Variants in PCDH9 observed in about 807,000 individuals in gnomAD.
PCDH9 encodes protocadherin-9.
PCDH9 carries 24 observed loss-of-function variants against 70.6 expected under a neutral mutation model. That is an observed-to-expected ratio of 0.34 (90% confidence interval 0.25 to 0.48). The LOEUF (loss-of-function observed/expected upper bound fraction) is 0.48. PCDH9 is among the 20% of genes least tolerant of loss of function. PCDH9 has a pLI of 0.99. For synonymous variants in PCDH9, 562 were observed against 558.5 expected, an observed-to-expected ratio of 1.01 and a Z score of -0.09; for missense variants, 1,281 against 1,503.6, an observed-to-expected ratio of 0.85 and a Z score of 2.45.
chr13:66,834,515 A>G (rs1470143159), intron 3 of PCDH9, among the ~76,000 whole-genome samples: 13 of 152,208 alleles, frequency 8.5e-5, no homozygotes, highest in Admixed American at 8.5e-4. Context: ...TACTATTTAT[A>G]GATATCTTAA....
At chr13:66,865,762 T>G (rs185314957) in intron 3 of PCDH9, among the ~76,000 whole-genome samples, 196 of 152,348 alleles carry the variant, frequency 1.3e-3, no homozygotes, top group African/African-American at 4.5e-3. Flanking sequence ...ATTTTATACT[T>G]CTTTCAAGTT....
chr13:66,331,031 A>G (rs1955933054), intron 4 of PCDH9, among the ~76,000 whole-genome samples: 1 of 152,188 alleles, frequency 6.6e-6, no homozygotes, highest in Non-Finnish European at 1.5e-5. Context: ...AGTTCGAAGG[A>G]TCCTGATTAG....
At chr13:66,398,179 T>C (rs528677562) in intron 4 of PCDH9, among the ~76,000 whole-genome samples, 3 of 152,104 alleles carry the variant, frequency 2.0e-5, no homozygotes, top group Non-Finnish European at 4.4e-5. Flanking sequence ...AAACAAAACA[T>C]GGAGTGAGAA....
At chr13:66,729,933 G>A (rs1193709242) in intron 3 of PCDH9, among the ~76,000 whole-genome samples, 1 of 152,130 alleles carries the variant, frequency 6.6e-6, no homozygotes, top group Admixed American at 6.6e-5. Flanking sequence ...CAGAAAACCT[G>A]ACATCTTTTT....
intron 4 of PCDH9, among the ~76,000 whole-genome samples, chr13:66,426,412 T>C (rs1006502494): frequency 6.7e-5 from 10 of 150,362 alleles, no homozygotes; most frequent in African/African-American, 1.7e-4. Context: ...TTAAATATCC[T>C]TTAGTTTATT....
chr13:66,341,851 G>A (rs1053164452), intron 4 of PCDH9, among the ~76,000 whole-genome samples: 12 of 152,112 alleles, frequency 7.9e-5, no homozygotes, highest in African/African-American at 2.9e-4. Context: ...GTCTCACTGC[G>A]CTCAAGGGAG....
At chr13:66,561,073 G>A (rs1379299781) in intron 4 of PCDH9, among the ~76,000 whole-genome samples, 3 of 152,240 alleles carry the variant, frequency 2.0e-5, no homozygotes, top group East Asian at 1.9e-4. Context: ...AGGGAGAAGC[G>A]CGGGCGGGAA....
chr13:66,482,692 T>A (rs1365070127), intron 4 of PCDH9, among the ~76,000 whole-genome samples: 4 of 152,212 alleles, frequency 2.6e-5, no homozygotes, highest in African/African-American at 9.6e-5. Flanking sequence ...TCCATCAGCA[T>A]CAGCAGTGTT....
chr13:66,742,921 T>G (rs2079291011), intron 3 of PCDH9, among the ~76,000 whole-genome samples: 1 of 120,828 alleles, frequency 8.3e-6, no homozygotes, highest in Admixed American at 9.0e-5. Flanking sequence ...TCAACCATTG[T>G]GGAAGTCAGT....
At chr13:66,408,362 C>T (rs1019205474) in intron 4 of PCDH9, among the ~76,000 whole-genome samples, 1 of 152,198 alleles carries the variant, frequency 6.6e-6, no homozygotes, top group African/African-American at 2.4e-5. Flanking sequence ...TCTCCATTCC[C>T]AATTTCCTTA....
chr13:67,150,205 T>A (rs2087623997), intron 2 of PCDH9, among the ~76,000 whole-genome samples: 1 of 152,122 alleles, frequency 6.6e-6, no homozygotes, highest in African/African-American at 2.4e-5. Flanking sequence ...AGCTAATTTT[T>A]AAAATATTTT....
At chr13:67,194,516 A>T (rs1286736489) in intron 2 of PCDH9, among the ~76,000 whole-genome samples, 1 of 152,194 alleles carries the variant, frequency 6.6e-6, no homozygotes, top group Non-Finnish European at 1.5e-5. Context: ...CTCAAAATTT[A>T]TAATTGAAGA....
At chr13:66,740,420 A>T (rs1396962043) in intron 3 of PCDH9, among the ~76,000 whole-genome samples, 3 of 107,758 alleles carry the variant, frequency 2.8e-5, no homozygotes, top group African/African-American at 6.7e-5. Flanking sequence ...CTAACATCAC[A>T]ATTAAAAGAA....
intron 3 of PCDH9, among the ~76,000 whole-genome samples, chr13:66,729,476 C>A (rs2079045117): frequency 6.6e-6 from 1 of 152,070 alleles, no homozygotes; most frequent in Admixed American, 6.6e-5. Flanking sequence ...TTGTTTTACT[C>A]CCCTATTTAA....
chr13:66,884,159 A>G (rs1036557577), intron 3 of PCDH9, among the ~76,000 whole-genome samples: 1 of 151,930 alleles, frequency 6.6e-6, no homozygotes, highest in Admixed American at 6.6e-5. Flanking sequence ...CTGTCTCCCA[A>G]AGTGCTGGGA....
intron 4 of PCDH9, among the ~76,000 whole-genome samples, chr13:66,567,896 C>G (rs1391502588): frequency 1.1e-4 from 16 of 152,132 alleles, no homozygotes; most frequent in Non-Finnish European, 1.5e-5. Context: ...TAATTTAGGA[C>G]TACATTTTAG....
chr13:66,365,604 G>A (rs1231832457), intron 4 of PCDH9, among the ~76,000 whole-genome samples: 1 of 152,194 alleles, frequency 6.6e-6, no homozygotes. Context: ...CACTCTGGTA[G>A]TGATGGTTGA....
chr13:66,656,400 C>T (rs2077929972), intron 3 of PCDH9, among the ~76,000 whole-genome samples: 1 of 152,092 alleles, frequency 6.6e-6, no homozygotes, highest in African/African-American at 2.4e-5. Flanking sequence ...GAATTACATT[C>T]TAATTAGAAA....
chr13:66,743,088 C>A (rs1273973251), intron 3 of PCDH9, among the ~76,000 whole-genome samples: 1,331 of 69,520 alleles, frequency 0.019, 51 homozygotes, highest in African/African-American at 0.047. Context: ...AGACTTGGAA[C>A]CAACCCAAAT....
Sources: gnomAD v4.1 joint callset for allele counts (sites outside exome capture counted in the v4.1 genomes callset) on GRCh38, gnomAD v4.1.1 for gene constraint, MANE v1.5 for transcripts, NCBI Gene and HGNC (gene_info 2026-07-23, HGNC 2026-07-21) for gene names.